LRRC4C: variants seen among roughly 807,000 people sequenced by gnomAD.
LRRC4C encodes leucine rich repeat containing 4C, also known as leucine-rich repeat-containing protein 4C.
A neutral mutation model predicts 33.6 loss-of-function variants in LRRC4C; 5 were observed. The observed-to-expected ratio is 0.15, with a 90% CI of 0.08 to 0.31. LRRC4C has a LOEUF of 0.31. Ranked by LOEUF, LRRC4C falls within the 10% of genes least tolerant of loss-of-function variation. LRRC4C has a pLI of 1.00. For synonymous variants in LRRC4C, 329 were observed against 302.0 expected, an observed-to-expected ratio of 1.09 and a Z score of -0.93; for missense variants, 560 against 796.7, an observed-to-expected ratio of 0.70 and a Z score of 3.58.
intron 1 of LRRC4C, among the ~76,000 whole-genome samples, chr11:41,121,041 T>G (rs1942400602): frequency 6.6e-6 from 1 of 152,168 alleles, no homozygotes; most frequent in Non-Finnish European, 1.5e-5. Flanking sequence ...CTTTTTTTCT[T>G]TATAAATTAC....
rs61886614 is a variant in LRRC4C at position 40,896,219 on chromosome 11, C to A, written c.-407+37416G>T. ...TCGCTCCAGCTCAGCATAGACCATACCCTTAGCTCTATAGGATGGCAGGAT... is the reference window on the plus strand; with the variant it reads ...TCGCTCCAGCTCAGCATAGACCATAACCTTAGCTCTATAGGATGGCAGGAT... On this transcript the variant is annotated intron_variant, in intron 2 of 6. Coordinates refer to ENST00000528697, the MANE Select transcript of LRRC4C (RefSeq NM_001258419.2). 5.9e-5 allele frequency among the ~76,000 whole-genome samples: 9 copies of A among 152,262 alleles called. No homozygotes were observed. In the South Asian group the frequency reaches 1.5e-3, roughly 25 times the overall value.
chr11:40,491,183 G>T (rs1954133196), intron 3 of LRRC4C, among the ~76,000 whole-genome samples: 1 of 152,046 alleles, frequency 6.6e-6, no homozygotes, highest in Non-Finnish European at 1.5e-5. Flanking sequence ...TACTCGGGAG[G>T]CTGAGGCATG....
intron 2 of LRRC4C, among the ~76,000 whole-genome samples, chr11:40,901,380 A>T (rs1956188620): frequency 6.6e-6 from 1 of 152,130 alleles, no homozygotes; most frequent in African/African-American, 2.4e-5. Context: ...GTTGGTAAAA[A>T]CATATTGATA....
Position 40,479,445 on chromosome 11 carries a change from T to G in LRRC4C, c.-269-159724A>C, listed in dbSNP as rs1008414156. Among the ~76,000 whole-genome samples, 25 of 152,178 alleles carry G rather than the reference T, an allele frequency of 1.6e-4. No homozygotes were observed. In the East Asian group the frequency reaches 4.5e-3, roughly 27 times the overall value. On this transcript the variant is annotated intron_variant, in intron 3 of 6. Transcript: ENST00000528697. ...AGAAGAGTGCCAATGTTAGAGTAAA[T>G]GCACCGACAATTACAGATTATTTTG...
chr11:41,046,686 G>A (rs562657273), intron 1 of LRRC4C, among the ~76,000 whole-genome samples: 8 of 152,082 alleles, frequency 5.3e-5, no homozygotes, highest in South Asian at 2.1e-4. Context: ...AACATCCAGC[G>A]TTTGCACTTC....
chr11:40,199,453 G>A (rs960313549), intron 5 of LRRC4C, among the ~76,000 whole-genome samples: 9 of 152,138 alleles, frequency 5.9e-5, no homozygotes, highest in Non-Finnish European at 1.3e-4. Flanking sequence ...ATAACAATAA[G>A]GTTTTTGTTT....
At chr11:41,060,995 C>T (rs182111789) in intron 1 of LRRC4C, among the ~76,000 whole-genome samples, 6 of 152,068 alleles carry the variant, frequency 3.9e-5, no homozygotes, top group African/African-American at 9.7e-5. Context: ...TCCCCTCCCC[C>T]CTCCACACAG....
intron 3 of LRRC4C, among the ~76,000 whole-genome samples, chr11:40,452,721 C>T (rs1025177641): frequency 4.6e-5 from 7 of 152,170 alleles, no homozygotes; most frequent in African/African-American, 1.7e-4. Flanking sequence ...GCTATAAAGA[C>T]ATATGCACAT....
intron 2 of LRRC4C, among the ~76,000 whole-genome samples, chr11:40,760,449 C>T (rs959656626): frequency 3.6e-4 from 54 of 150,600 alleles, no homozygotes; most frequent in African/African-American, 1.0e-3. Flanking sequence ...ACTGCAAAAT[C>T]CTAAACTACT....
At chr11:40,661,252 T>C (rs1345446618) in intron 2 of LRRC4C, among the ~76,000 whole-genome samples, 2 of 151,806 alleles carry the variant, frequency 1.3e-5, no homozygotes, top group African/African-American at 2.4e-5. Flanking sequence ...CATTAGTAAA[T>C]AGAATATCAT....
intron 3 of LRRC4C, among the ~76,000 whole-genome samples, chr11:40,547,614 A>G (rs1189869007): frequency 6.6e-6 from 1 of 152,126 alleles, no homozygotes; most frequent in Non-Finnish European, 1.5e-5. Flanking sequence ...GAAACACATC[A>G]TGGCCTGAAA....
intron 1 of LRRC4C, among the ~76,000 whole-genome samples, chr11:41,016,468 A>G (rs756368380): frequency 6.6e-6 from 1 of 152,248 alleles, no homozygotes; most frequent in Non-Finnish European, 1.5e-5. Context: ...TGATTTAATT[A>G]CTTTCCCAAC....
chr11:41,186,803 C>T (rs1424799054), intron 1 of LRRC4C, among the ~76,000 whole-genome samples: 1 of 152,144 alleles, frequency 6.6e-6, no homozygotes, highest in Non-Finnish European at 1.5e-5. Context: ...TCTTTCAAGA[C>T]ATTTTGATAC....
Position 40,845,199 on chromosome 11 carries a change from A to G in LRRC4C, c.-407+88436T>C, listed in dbSNP as rs181073675. Among the ~76,000 whole-genome samples the G allele has an allele frequency of 6.9e-4, 105 of 151,962 alleles. 1 individual carries two copies. The highest frequency in any genetic ancestry group is 2.5e-3 in the African/African-American group (102 of 41,470). On this transcript the variant is annotated intron_variant, in intron 2 of 6. Coordinates refer to ENST00000528697, the MANE Select transcript of LRRC4C (RefSeq NM_001258419.2). ...ACCTTAAGTTCTGACATACATGTGC[A>G]GAATGTGCAGGTTTGTTACATAGGT...
chr11:40,449,152 C>G (rs1469502399), intron 3 of LRRC4C, among the ~76,000 whole-genome samples: 1 of 152,050 alleles, frequency 6.6e-6, no homozygotes, highest in Non-Finnish European at 1.5e-5. Flanking sequence ...AGCCCTTTCT[C>G]AGATGGTTAG....
chr11:41,343,942 C>T (rs1012901829), intron 1 of LRRC4C, among the ~76,000 whole-genome samples: 7 of 152,132 alleles, frequency 4.6e-5, no homozygotes, highest in Admixed American at 1.3e-4. Context: ...TAAAACTTTC[C>T]GCTAATCAGA....
intron 2 of LRRC4C, among the ~76,000 whole-genome samples, chr11:40,651,954 C>T (rs61124809): frequency 6.0e-4 from 92 of 152,278 alleles, no homozygotes; most frequent in African/African-American, 2.1e-3. Flanking sequence ...AATGTCTGTT[C>T]ATTTTGTATC....
rs549361785 is a variant in LRRC4C, at chr11:40,829,355, G to A, written c.-407+104280C>T. ...GCTTTCTTATTCTTGCTTTATAGAT[G>A]GAAAGGTTTGCAGCCCCTGGAATTG... On this transcript the variant is annotated intron_variant, in intron 2 of 6. Coordinates refer to ENST00000528697, the MANE Select transcript of LRRC4C (RefSeq NM_001258419.2). Among the ~76,000 whole-genome samples, 48 of 152,090 alleles carry A rather than the reference G, an allele frequency of 3.2e-4. No individual in the cohort carries two copies. The South Asian group carries it at 9.9e-3, about 32-fold the overall frequency.
chr11:40,996,698 G>A (rs943271876), intron 1 of LRRC4C, among the ~76,000 whole-genome samples: 1 of 152,112 alleles, frequency 6.6e-6, no homozygotes, highest in Non-Finnish European at 1.5e-5. Context: ...ATCTGCTTCT[G>A]GTGCGGGCCT....
Sources: allele counts gnomAD v4.1 joint callset (sites outside exome capture counted in the v4.1 genomes callset), GRCh38; gene constraint gnomAD v4.1.1; transcripts MANE v1.5; gene names NCBI Gene and HGNC (gene_info 2026-07-23, HGNC 2026-07-21).